Variants in CACNB2 observed in about 807,000 individuals in gnomAD.
CACNB2 encodes the protein calcium voltage-gated channel auxiliary subunit beta 2.
In CACNB2, 42 loss-of-function variants were observed where a neutral mutation model predicts 73.3. The ratio of observed to expected loss-of-function variants is 0.57; its 90% CI spans 0.45 to 0.74. The LOEUF (loss-of-function observed/expected upper bound fraction) is 0.74. Ranked by LOEUF, CACNB2 falls within the 30% of genes least tolerant of loss-of-function variation. The pLI, the probability that CACNB2 is intolerant of heterozygous loss-of-function variation, is 0.00. For missense variants in CACNB2, 940 were observed against 853.0 expected, an observed-to-expected ratio of 1.10 and a Z score of -1.27; for synonymous variants, 348 against 310.3, an observed-to-expected ratio of 1.12 and a Z score of -1.28.
intron 4 of CACNB2, among the ~76,000 whole-genome samples, chr10:18,499,325 A>G (rs2050031476): frequency 6.6e-6 from 1 of 152,032 alleles, no homozygotes; most frequent in Non-Finnish European, 1.5e-5. Context: ...CTGCCGATTA[A>G]AAGAACCTAG....
chr10:18,317,148 T>C (rs1244491035), intron 2 of CACNB2, among the ~76,000 whole-genome samples: 3 of 151,150 alleles, frequency 2.0e-5, no homozygotes, highest in Admixed American at 1.3e-4. Context: ...ACAAAAACTG[T>C]CCTCTCAAAG....
intron 10 of CACNB2, 49 bp from the exon 11 acceptor site, chr10:18,534,027 T>C (rs757347240): frequency 7.5e-6 from 12 of 1,600,212 alleles, no homozygotes; most frequent in Non-Finnish European, 1.0e-5. Context: ...ACCATTTTAC[T>C]TTATCTTAAA....
rs538512111 is a variant in CACNB2 at position 18,503,787 on chromosome 10, A to G, written c.594-2684A>G. 7.3e-4 allele frequency among the ~76,000 whole-genome samples: 111 copies of G among 152,334 alleles called. 1 individual carries two copies. The highest frequency in any genetic ancestry group is 2.6e-3 in the African/African-American group (109 of 41,584). On this transcript the variant is annotated intron_variant, in intron 5 of 13. Coordinates refer to ENST00000324631, the MANE Select transcript of CACNB2 (RefSeq NM_201596.3). ...AATGACTTGAGAAAGGGGTTCCAAG[A>G]TGAAATAAATTAAGGATAGTTCTAG... is the stretch of plus-strand genomic sequence containing the variant.
chr10:18,210,349 T>C (rs1182485191), intron 2 of CACNB2, among the ~76,000 whole-genome samples: 1 of 152,188 alleles, frequency 6.6e-6, no homozygotes, highest in East Asian at 1.9e-4. Flanking sequence ...TTTAGAGTAG[T>C]TATAAATGGT....
At chr10:18,296,534 G>A (rs1241626166) in intron 2 of CACNB2, among the ~76,000 whole-genome samples, 1 of 152,060 alleles carries the variant, frequency 6.6e-6, no homozygotes, top group Admixed American at 6.6e-5. Context: ...GGAAACCTGA[G>A]AGATCACACC....
intron 2 of CACNB2, among the ~76,000 whole-genome samples, chr10:18,286,617 T>A (rs1031441764): frequency 6.6e-6 from 1 of 151,980 alleles, no homozygotes. Context: ...TCTTAATGTT[T>A]TTATGCATTT....
At chr10:18,436,092 T>A (rs1196658081) in intron 3 of CACNB2, among the ~76,000 whole-genome samples, 1 of 152,186 alleles carries the variant, frequency 6.6e-6, no homozygotes, top group Non-Finnish European at 1.5e-5. Flanking sequence ...TATTCCACCT[T>A]CTATGAGGAA....
intron 2 of CACNB2, among the ~76,000 whole-genome samples, chr10:18,326,507 T>C (rs2040595261): frequency 6.6e-6 from 1 of 152,206 alleles, no homozygotes; most frequent in Non-Finnish European, 1.5e-5. Context: ...AGTTCCTCCT[T>C]CATCAGACTT....
intron 2 of CACNB2, among the ~76,000 whole-genome samples, chr10:18,351,594 T>C (rs1009858694): frequency 3.9e-5 from 6 of 152,160 alleles, no homozygotes; most frequent in African/African-American, 1.2e-4. Flanking sequence ...CACTCTACCA[T>C]GGAAAACCAG....
chr10:18,480,475 G>T (rs973507054), intron 3 of CACNB2, among the ~76,000 whole-genome samples: 1 of 152,160 alleles, frequency 6.6e-6, no homozygotes, highest in African/African-American at 2.4e-5. Flanking sequence ...CTAGTCCAAC[G>T]TGTTTCTCTC....
chr10:18,338,738 C>CTTTTTTTT (rs553402190), intron 2 of CACNB2, among the ~76,000 whole-genome samples: 1 of 102,446 alleles, frequency 9.8e-6, no homozygotes, highest in Non-Finnish European at 1.8e-5. Context: ...TCCTTCTTTC[C>CTTTTTTTT]TTTTTTTTTT....
chr10:18,214,478 T>G (rs11013034), intron 2 of CACNB2, among the ~76,000 whole-genome samples: 906 of 70,658 alleles, frequency 0.013, 234 homozygotes, highest in African/African-American at 0.029. Flanking sequence ...ATATAAAAAA[T>G]TAGCCGAGTG....
chr10:18,414,451 C>A (rs1274487883), intron 3 of CACNB2, among the ~76,000 whole-genome samples: 3 of 151,002 alleles, frequency 2.0e-5, no homozygotes, highest in African/African-American at 7.3e-5. Context: ...TTAAAAGGAA[C>A]CTGATGGTTC....
chr10:18,302,656 G>A (rs1268198315), intron 2 of CACNB2, among the ~76,000 whole-genome samples: 1 of 152,156 alleles, frequency 6.6e-6, no homozygotes, highest in Non-Finnish European at 1.5e-5. Flanking sequence ...AAGCTATGAG[G>A]ATGCAAAGGC....
At chr10:18,523,539 A>G in intron 9 of CACNB2, among the ~76,000 whole-genome samples, 1 of 152,224 alleles carries the variant, frequency 6.6e-6, no homozygotes, top group East Asian at 1.9e-4. Flanking sequence ...GCCTTGGCTC[A>G]TCTTGACTTA....
At chr10:18,511,040 G>A (rs1203544883) in intron 6 of CACNB2, among the ~76,000 whole-genome samples, 1 of 152,176 alleles carries the variant, frequency 6.6e-6, no homozygotes, top group Non-Finnish European at 1.5e-5. Flanking sequence ...TCCTATATGA[G>A]CAAAGGATTA....
At chr10:18,479,313 G>GA (rs1420567874) in intron 3 of CACNB2, among the ~76,000 whole-genome samples, 1 of 152,098 alleles carries the variant, frequency 6.6e-6, no homozygotes, top group Non-Finnish European at 1.5e-5. Context: ...CAAAGAGCCA[G>GA]AAAATCTGTG....
intron 3 of CACNB2, among the ~76,000 whole-genome samples, chr10:18,454,372 T>C (rs1323348127): frequency 3.9e-5 from 6 of 152,224 alleles, no homozygotes; most frequent in Non-Finnish European, 1.5e-5. Context: ...TTAAGGGGCC[T>C]TTTCTAGGCA....
chr10:18,398,194 C>G (rs2043810920), intron 2 of CACNB2, among the ~76,000 whole-genome samples: 2 of 152,166 alleles, frequency 1.3e-5, no homozygotes, highest in South Asian at 4.1e-4. Flanking sequence ...TCCACACTCC[C>G]ACAAGAAAGG....
Sources: gnomAD v4.1 joint callset for allele counts (sites outside exome capture counted in the v4.1 genomes callset) on GRCh38, gnomAD v4.1.1 for gene constraint, MANE v1.5 for transcripts, NCBI Gene and HGNC (gene_info 2026-07-23, HGNC 2026-07-21) for gene names.